Variants in SLIT3 observed in about 807,000 individuals in gnomAD.
The protein encoded by SLIT3 is slit homolog 3 protein.
SLIT3 carries 68 observed loss-of-function variants against 184.0 expected under a neutral mutation model. The ratio of observed to expected loss-of-function variants is 0.37; its 90% CI spans 0.30 to 0.45. SLIT3 has a LOEUF of 0.45. Ranked by LOEUF, SLIT3 falls within the 20% of genes least tolerant of loss-of-function variation. SLIT3 has a pLI of 1.00. For synonymous variants in SLIT3, 831 were observed against 828.6 expected (o/e 1.00, Z -0.05); for missense variants, 1,707 against 2,026.0 (o/e 0.84, Z 3.02).
chr5:169,069,303 C>T (rs1343917732), intron 4 of SLIT3, among the ~76,000 whole-genome samples: 4 of 152,168 alleles, frequency 2.6e-5, no homozygotes, highest in African/African-American at 4.8e-5. Flanking sequence ...ATTTCACAGT[C>T]GAGAGAGGAG....
At chr5:169,146,426 C>T (rs780787507) in intron 4 of SLIT3, among the ~76,000 whole-genome samples, 4 of 152,172 alleles carry the variant, frequency 2.6e-5, no homozygotes, top group Non-Finnish European at 5.9e-5. Flanking sequence ...TGATGCCTCC[C>T]GGGATTCCAT....
rs112935259 is a variant in SLIT3 at position 169,129,136 on chromosome 5, C to G, written c.413+64343G>C. On this transcript the variant is annotated intron_variant, in intron 4 of 35. Coordinates refer to ENST00000519560, the MANE Select transcript of SLIT3 (RefSeq NM_003062.4). Reference sequence around the variant, plus strand: ...TCTGCAAGCACCTGGCCCGAAAGGCCATGCGTCACTCCATTGTTTCCCTGT... The same window carrying G: ...TCTGCAAGCACCTGGCCCGAAAGGCGATGCGTCACTCCATTGTTTCCCTGT... 3.8e-3 allele frequency among the ~76,000 whole-genome samples: 577 copies of G among 152,300 alleles called. 4 individuals carry two copies. The highest frequency in any genetic ancestry group is 0.013 in the African/African-American group (533 of 41,560).
intron 1 of SLIT3, among the ~76,000 whole-genome samples, chr5:169,255,711 G>A (rs566599604): frequency 5.9e-5 from 9 of 152,162 alleles, no homozygotes; most frequent in East Asian, 3.9e-4. Flanking sequence ...GTGAAACCCC[G>A]TCTCTACTAA....
At chr5:168,697,919 G>A (rs1387840599) in intron 27 of SLIT3, among the ~76,000 whole-genome samples, 1 of 152,186 alleles carries the variant, frequency 6.6e-6, no homozygotes, top group African/African-American at 2.4e-5. Flanking sequence ...GGGCTACCTG[G>A]CAGTGAGATA....
intron 4 of SLIT3, among the ~76,000 whole-genome samples, chr5:169,112,091 T>C (rs373943212): frequency 6.6e-6 from 1 of 152,234 alleles, no homozygotes; most frequent in Non-Finnish European, 1.5e-5. Context: ...TGACTGCTGA[T>C]GGGGAACGAA....
At chr5:169,193,792 C>T (rs1763649900) in intron 3 of SLIT3, among the ~76,000 whole-genome samples, 1 of 152,188 alleles carries the variant, frequency 6.6e-6, no homozygotes, top group Non-Finnish European at 1.5e-5. Flanking sequence ...GCTGTGCTGC[C>T]ACACCTCCAT....
At chr5:169,000,517 T>TA (rs1228418689) in intron 4 of SLIT3, among the ~76,000 whole-genome samples, 2 of 144,426 alleles carry the variant, frequency 1.4e-5, no homozygotes, top group Non-Finnish European at 3.0e-5. Flanking sequence ...AGAAGAACAA[T>TA]AAAAAACTCA....
At chr5:168,881,946 C>T (rs900799203) in intron 5 of SLIT3, among the ~76,000 whole-genome samples, 2 of 152,198 alleles carry the variant, frequency 1.3e-5, no homozygotes, top group Non-Finnish European at 2.9e-5. Flanking sequence ...AGGCGGCCTC[C>T]TTGTCCCTGA....
chr5:168,823,574 C>T (rs1464178776), intron 6 of SLIT3, among the ~76,000 whole-genome samples: 1 of 152,162 alleles, frequency 6.6e-6, no homozygotes, highest in Non-Finnish European at 1.5e-5. Context: ...TGCCTACCCA[C>T]CTTGAGTAAG....
At chr5:169,167,327 T>G (rs1466273684) in intron 4 of SLIT3, among the ~76,000 whole-genome samples, 1 of 134,862 alleles carries the variant, frequency 7.4e-6, no homozygotes, top group Non-Finnish European at 1.5e-5. Context: ...CAGGCTGGAG[T>G]GCAGTGGTGC....
chr5:168,867,860 C>A (rs539548796), intron 5 of SLIT3, among the ~76,000 whole-genome samples: 43 of 152,242 alleles, frequency 2.8e-4, no homozygotes, highest in African/African-American at 1.0e-3. Flanking sequence ...CAGGAAAAAC[C>A]AGAATCTTCC....
chr5:168,981,616 C>T (rs1370982394), intron 4 of SLIT3, among the ~76,000 whole-genome samples: 2 of 152,130 alleles, frequency 1.3e-5, no homozygotes, highest in South Asian at 2.1e-4. Context: ...ATGGGTTATC[C>T]AGGACTCCAA....
At chr5:169,298,509 T>C (rs921714691) in intron 1 of SLIT3, among the ~76,000 whole-genome samples, 2 of 152,146 alleles carry the variant, frequency 1.3e-5, no homozygotes, top group African/African-American at 2.4e-5. Context: ...ATTTTGAAGA[T>C]GCGGAAGATG....
chr5:168,965,690 C>T (rs1483116636), intron 4 of SLIT3, among the ~76,000 whole-genome samples: 1 of 152,218 alleles, frequency 6.6e-6, no homozygotes, highest in African/African-American at 2.4e-5. Context: ...CAGAATTCTT[C>T]TCTATCGCTT....
intron 29 of SLIT3, among the ~76,000 whole-genome samples, chr5:168,690,231 G>C (rs1761865514): frequency 6.6e-6 from 1 of 151,916 alleles, no homozygotes; most frequent in Non-Finnish European, 1.5e-5. Context: ...CCGCCTCCTG[G>C]GTTCAAGCGA....
At chr5:169,104,436 G>C (rs1315200782) in intron 4 of SLIT3, among the ~76,000 whole-genome samples, 1 of 152,214 alleles carries the variant, frequency 6.6e-6, no homozygotes, top group Admixed American at 6.5e-5. Flanking sequence ...GGGTAATTCT[G>C]ATGAGGTTTT....
At chr5:169,266,973 T>C (rs1214065931) in intron 1 of SLIT3, among the ~76,000 whole-genome samples, 1 of 152,002 alleles carries the variant, frequency 6.6e-6, no homozygotes, top group Non-Finnish European at 1.5e-5. Context: ...GTACAAATGC[T>C]GCACCCAACC....
chr5:169,057,005 G>A (rs1758027956), intron 4 of SLIT3, among the ~76,000 whole-genome samples: 1 of 152,196 alleles, frequency 6.6e-6, no homozygotes, highest in South Asian at 2.1e-4. Flanking sequence ...AATGACAAGA[G>A]CAGGCATGTT....
At chr5:168,829,771 A>G (rs573541546) in intron 6 of SLIT3, among the ~76,000 whole-genome samples, 4 of 152,364 alleles carry the variant, frequency 2.6e-5, no homozygotes, top group South Asian at 4.1e-4. Flanking sequence ...AGCTGAGAGT[A>G]TAAGTCCTGT....
Sources: allele counts gnomAD v4.1 joint callset (sites outside exome capture counted in the v4.1 genomes callset), GRCh38; gene constraint gnomAD v4.1.1; transcripts MANE v1.5; gene names NCBI Gene and HGNC (gene_info 2026-07-23, HGNC 2026-07-21).